HTT: variants seen among roughly 807,000 people sequenced by gnomAD.
The protein encoded by HTT is huntington disease protein.
HTT carries 104 observed loss-of-function variants against 362.3 expected under a neutral mutation model. The ratio of observed to expected loss-of-function variants is 0.29; its 90% CI spans 0.24 to 0.34. HTT has a LOEUF of 0.34. HTT is among the 10% of genes least tolerant of loss of function. The probability of loss-of-function intolerance (pLI) is 1.00; values close to 1 mark genes in which losing one functional copy is unlikely to be tolerated. For missense variants in HTT, 3,301 were observed against 3,928.6 expected (o/e 0.84, Z 4.27); for synonymous variants, 1,577 against 1,548.7 (o/e 1.02, Z -0.43).
At position 3,228,334 on chromosome 4, in the gene HTT, C is replaced by T. The variant is rs989666447; in HGVS notation, c.7849-281C>T. Among the ~76,000 whole-genome samples, 4 of 152,324 alleles carry T rather than the reference C, an allele frequency of 2.6e-5. No homozygotes were observed. Among genetic ancestry groups the T allele is most frequent in the South Asian group, 2.1e-4 (1 of 4,830 alleles). ...TCACTTAGGAGTGAAAGCATCCCTT[C>T]GTAGAGCCTCTTTCTGTGTCACCCT... On this transcript the variant is annotated intron_variant, in intron 57 of 66. Transcript: ENST00000355072. The surrounding 1 kb of genome is among the most constrained non-coding windows in gnomAD (Gnocchi z 4.3).
At chr4:3,083,692 A>G (rs1713048779) in intron 1 of HTT, among the ~76,000 whole-genome samples, 1 of 152,140 alleles carries the variant, frequency 6.6e-6, no homozygotes, top group African/African-American at 2.4e-5. Context: ...TGGGAATATA[A>G]TATAGTACGG....
Position 3,240,357 on chromosome 4 carries a change from T to C in HTT, c.*298T>C. On this transcript the variant is annotated 3_prime_UTR_variant, in exon 67 of 67. Coordinates refer to ENST00000355072, the MANE Select transcript of HTT (RefSeq NM_001388492.1). ...GTCCTTTCTCCTGATAGTCACCTGCTGGTTGTTGCCAGGTTGCAGCTGCTC... is the reference window on the plus strand; with the variant it reads ...GTCCTTTCTCCTGATAGTCACCTGCCGGTTGTTGCCAGGTTGCAGCTGCTC... The C allele has an allele frequency of 2.2e-6, 1 of 450,076 alleles. No homozygotes were observed. Among genetic ancestry groups the C allele is most frequent in the African/African-American group, 2.0e-5 (1 of 50,418 alleles). The allele number at this position is 450,076 out of a possible 1,614,324, so 27.9% of individuals were successfully genotyped here. A position where few individuals can be genotyped will look rare whatever the true frequency, so the allele number is the denominator to read the frequency against.
intron 66 of HTT, 39 bp downstream of exon 66, chr4:3,239,017 T>G (rs1721681256): frequency 1.3e-6 from 2 of 1,563,660 alleles, no homozygotes; most frequent in Non-Finnish European, 1.7e-6. Context: ...CCCGTTTCCC[T>G]TGTCAACACC....
intron 35 of HTT, among the ~76,000 whole-genome samples, chr4:3,178,969 C>G (rs1020257736): frequency 6.6e-6 from 1 of 152,164 alleles, no homozygotes; most frequent in African/African-American, 2.4e-5. Context: ...GTGGAAGGAG[C>G]TAGTGTGGTT....
At position 3,199,931 on chromosome 4, in the gene HTT, G is replaced by A; in HGVS notation, c.5568G>A (p.Gln1856=). The change falls in exon 41 of 67, where the codon CAG becomes CAA. Residue 1856 remains glutamine, a synonymous_variant. Coordinates refer to ENST00000355072, the MANE Select transcript of HTT (RefSeq NM_001388492.1). The part of the protein sequence containing the change: ...TDYRWWAEVQ[Q]TPKRHSLSST... ...ACCGCTGGTGGGCAGAAGTGCAGCA[G>A]ACCCCGAAGTAGGTTCATAATGCCC... 6.2e-7 allele frequency: 1 copy of A among 1,613,024 alleles called. No individual in the cohort carries two copies.
chr4:3,125,433 A>C, intron 10 of HTT, 116 bp from the exon 11 acceptor site: 2 of 623,928 alleles, frequency 3.2e-6, no homozygotes, highest in Non-Finnish European at 5.6e-6. Flanking sequence ...TATGATGATA[A>C]ACTATATTAG....
chr4:3,116,142 T>A lies in HTT; in HGVS notation c.947T>A (p.Leu316His). 1 of 1,613,892 alleles carries A rather than the reference T, an allele frequency of 6.2e-7. No individual in the cohort carries two copies. The highest frequency in any genetic ancestry group is 1.1e-5 in the South Asian group (1 of 91,068). ...HSTLLILGVL[L>H]TLRYLVPLLQ... The stretch of plus-strand genomic sequence containing the variant: ...ACTCTGCTGATTCTTGGCGTGCTGC[T>A]CACCCTGAGGTATTTGGTGCCCTTG... The change falls in exon 8 of 67, where the codon CTC becomes CAC. Residue 316 changes from leucine to histidine, a missense_variant. Transcript: ENST00000355072.
chr4:3,147,153 C>T (rs944291179), intron 25 of HTT, among the ~76,000 whole-genome samples: 1 of 152,218 alleles, frequency 6.6e-6, no homozygotes, highest in Admixed American at 6.5e-5. Flanking sequence ...TTAAAGTAGC[C>T]TCTTCCCAAT....
intron 40 of HTT, among the ~76,000 whole-genome samples, chr4:3,195,563 G>A (rs773382276): frequency 6.6e-6 from 1 of 151,640 alleles, no homozygotes; most frequent in African/African-American, 2.4e-5. Context: ...ATCACTACTC[G>A]GGACCCTAGG....
rs540183670 is a variant in HTT, at chr4:3,136,438, A to T, written c.2798+112A>T. On this transcript the variant is annotated intron_variant, in intron 21 of 66. Coordinates refer to ENST00000355072, the MANE Select transcript of HTT (RefSeq NM_001388492.1). ...ATGTAGAGCAGTATTCCTGAATCTG[A>T]GCTCATTTCAGCCATTCTATTCTTA... The T allele has an allele frequency of 2.0e-3, 976 of 480,328 alleles. 6 individuals carry two copies. Among genetic ancestry groups the T allele is most frequent in the Middle Eastern group, 3.8e-3 (7 of 1,844 alleles). The allele number at this position is 480,328 out of a possible 1,614,324, so 29.8% of individuals were successfully genotyped here. A position where few individuals can be genotyped will look rare whatever the true frequency, so the allele number is the denominator to read the frequency against.
At chr4:3,210,802 C>T (rs1003859528) in intron 47 of HTT, among the ~76,000 whole-genome samples, 2 of 152,068 alleles carry the variant, frequency 1.3e-5, no homozygotes, top group East Asian at 1.9e-4. Context: ...GAAAAGAGAC[C>T]TTGTGGGGAG....
chr4:3,178,807 C>T (rs1195169551), intron 35 of HTT, among the ~76,000 whole-genome samples: 1 of 152,176 alleles, frequency 6.6e-6, no homozygotes, highest in Admixed American at 6.5e-5. Context: ...ATTCTTAAAT[C>T]GAACTTGCCG....
intron 23 of HTT, among the ~76,000 whole-genome samples, chr4:3,144,521 T>C (rs1716507028): frequency 6.6e-6 from 1 of 152,132 alleles, no homozygotes. Flanking sequence ...TTTCACCAGG[T>C]TGGTCAGGCT....
chr4:3,178,360 A>T lies in HTT; in HGVS notation c.4526A>T (p.Tyr1509Phe). The change falls in exon 35 of 67, where the codon TAT becomes TTT. Residue 1509 changes from tyrosine to phenylalanine, a missense_variant. Physicochemically the swap from Tyr to Phe is conservative, Grantham distance 22. This residue lies in a region of HTT where 2,316 missense variants were observed against 2,658.5 expected (regional missense o/e 0.87). Coordinates refer to ENST00000355072, the MANE Select transcript of HTT (RefSeq NM_001388492.1). ...FFLVLLSYER[Y>F]HSKQIIGIPK... ...TTGGTATTACTATCTTATGAACGCT[A>T]TCATTCAAAACAGATCATTGGAATT... The T allele has an allele frequency of 6.2e-7, 1 of 1,611,908 alleles. No individual in the cohort carries two copies. Among genetic ancestry groups the T allele is most frequent in the Non-Finnish European group, 8.5e-7 (1 of 1,177,950 alleles).
At chr4:3,222,266 G>A in intron 53 of HTT, 121 bp from the exon 54 acceptor site, 1 of 699,714 alleles carries the variant, frequency 1.4e-6, no homozygotes, top group Middle Eastern at 3.5e-4. Flanking sequence ...AGGTTTAAGG[G>A]ACTCACTGCC....
At chr4:3,210,904 C>CTTTTTTTTTTT (rs780304223) in intron 47 of HTT, among the ~76,000 whole-genome samples, 26,304 of 119,770 alleles carry the variant, frequency 0.22, 3,852 homozygotes, top group East Asian at 0.28. Context: ...AATTGTTTAT[C>CTTTTTTTTTTT]TTTTTTTTTT....
intron 7 of HTT, among the ~76,000 whole-genome samples, chr4:3,115,671 C>T (rs1207688575): frequency 6.6e-6 from 1 of 152,166 alleles, no homozygotes; most frequent in Non-Finnish European, 1.5e-5. Flanking sequence ...GGTGTGAGCC[C>T]TGTCTGCCAC....
intron 29 of HTT, among the ~76,000 whole-genome samples, chr4:3,169,358 C>T (rs1169384627): frequency 1.3e-5 from 2 of 152,092 alleles, no homozygotes; most frequent in African/African-American, 4.8e-5. Flanking sequence ...TGCCCTGCCT[C>T]CCTCCTTTTT....
chr4:3,207,303 T>C lies in HTT; in HGVS notation c.6098T>C (p.Met2033Thr). 1 of 1,613,924 alleles carries C rather than the reference T, an allele frequency of 6.2e-7. No individual in the cohort carries two copies. Among genetic ancestry groups the C allele is most frequent in the Non-Finnish European group, 8.5e-7 (1 of 1,179,922 alleles). ...NLQSSMAQLP[M>T]EELNRIQEYL... is the part of the protein sequence containing the mutation. ...TAGAGCAGCATGGCCCAGTTGCCAA[T>C]GGAAGAACTCAACAGAATCCAGGAA... Residue 2033 changes from methionine (M) to threonine (T), a missense_variant, in exon 45 of 67, where the codon ATG becomes ACG. Physicochemically the swap from Met to Thr is moderately conservative, Grantham distance 81. This residue lies in a region of HTT where 2,316 missense variants were observed against 2,658.5 expected (regional missense o/e 0.87). Transcript: ENST00000355072.
Sources: gnomAD v4.1 joint callset for allele counts (sites outside exome capture counted in the v4.1 genomes callset) on GRCh38, gnomAD v4.1.1 for gene constraint, gnomAD v4.1.1 regional missense constraint, Gnocchi (gnomAD v3.1) non-coding constraint, MANE v1.5 for transcripts, NCBI Gene and HGNC (gene_info 2026-07-23, HGNC 2026-07-21) for gene names.